The following PDE10A variants were observed in gnomAD, a reference collection of about 807,000 sequenced individuals.
The protein encoded by PDE10A is cAMP and cAMP-inhibited cGMP 3',5'-cyclic phosphodiesterase 10A.
PDE10A carries 39 observed loss-of-function variants against 97.7 expected under a neutral mutation model. That is an observed-to-expected ratio of 0.40 (90% CI 0.31 to 0.52). PDE10A has a LOEUF of 0.52. Among genes scored for constraint, PDE10A ranks in the 20% least tolerant of loss-of-function variants. The pLI is 0.56. For synonymous variants in PDE10A, 371 were observed against 376.8 expected, an observed-to-expected ratio of 0.98 and a Z score of 0.18; for missense variants, 731 against 1,047.8, an observed-to-expected ratio of 0.70 and a Z score of 4.17.
At chr6:165,696,123 T>C (rs999194777) in intron 1 of PDE10A, among the ~76,000 whole-genome samples, 1 of 152,148 alleles carries the variant, frequency 6.6e-6, no homozygotes. Context: ...GGAAGGAAGA[T>C]GGATGTCACT....
chr6:165,660,037 C>T (rs1325674122), intron 1 of PDE10A: 4 of 152,256 alleles, frequency 2.6e-5, no homozygotes, highest in Non-Finnish European at 5.9e-5. Flanking sequence ...ATAGAGCGTT[C>T]TTCAACCCCT....
chr6:165,920,981 A>C (rs567335009), intron 1 of PDE10A, among the ~76,000 whole-genome samples: 1 of 152,314 alleles, frequency 6.6e-6, no homozygotes, highest in Admixed American at 6.5e-5. Context: ...AATACTCCAA[A>C]GACTCATTTT....
In PDE10A at chr6:165,843,797, C is replaced by A. The variant is rs544817674; in HGVS notation, c.-615+143732G>T. On this transcript the variant is annotated intron_variant, in intron 1 of 19. Transcript: ENST00000366882. ...CCCATACTAGAGAGGGAAGCCTGAGCCTATCCCGGAGGGGCAGGGCAGTCA... is the reference window on the plus strand; with the variant it reads ...CCCATACTAGAGAGGGAAGCCTGAGACTATCCCGGAGGGGCAGGGCAGTCA... 2.0e-5 allele frequency among the ~76,000 whole-genome samples: 3 copies of A among 152,292 alleles called. No homozygotes were observed. In the South Asian group the frequency reaches 6.2e-4, roughly 32 times the overall value.
At chr6:165,637,648 G>T (rs1788940606) in intron 1 of PDE10A, among the ~76,000 whole-genome samples, 2 of 152,136 alleles carry the variant, frequency 1.3e-5, no homozygotes, top group African/African-American at 4.8e-5. Context: ...GTGGCAAAAG[G>T]TTCTGCGTCA....
intron 1 of PDE10A, among the ~76,000 whole-genome samples, chr6:165,771,653 A>AT (rs1491285909): frequency 9.5e-4 from 78 of 82,458 alleles, no homozygotes; most frequent in Non-Finnish European, 1.4e-3. Context: ...GTTTAACAAG[A>AT]TAAAAAAAAA....
chr6:165,506,859 G>C (rs781330217), intron 2 of PDE10A, among the ~76,000 whole-genome samples: 1 of 152,108 alleles, frequency 6.6e-6, no homozygotes, highest in Admixed American at 6.6e-5. Context: ...AACAATCAAA[G>C]ACTTATCTCT....
chr6:165,356,392 T>G (rs890424909), intron 18 of PDE10A, among the ~76,000 whole-genome samples: 1 of 152,192 alleles, frequency 6.6e-6, no homozygotes, highest in African/African-American at 2.4e-5. Context: ...AAATCTTTCA[T>G]ATAATTTTTT....
At chr6:165,485,265 G>A (rs1244542467) in intron 2 of PDE10A, among the ~76,000 whole-genome samples, 3 of 151,940 alleles carry the variant, frequency 2.0e-5, no homozygotes, top group Non-Finnish European at 2.9e-5. Flanking sequence ...AGGTCAGATC[G>A]AGACCATCCC....
At chr6:165,845,098 T>C (rs1188734578) in intron 1 of PDE10A, among the ~76,000 whole-genome samples, 1 of 152,222 alleles carries the variant, frequency 6.6e-6, no homozygotes, top group Non-Finnish European at 1.5e-5. Context: ...GCGTTCTTAT[T>C]GTTTACTTGA....
rs1161419426 is a variant in PDE10A, at chr6:165,351,573, G to A, written c.2784-8071C>T. ...GAAATATTTGCTGAACACCTACTAT[G>A]TGCTAGACACTGTCATAGTTATCCA... On this transcript the variant is annotated intron_variant, in intron 18 of 21. Transcript: ENST00000539869. Among the ~76,000 whole-genome samples, 12 of 152,284 alleles carry A rather than the reference G, an allele frequency of 7.9e-5. No homozygotes were observed. The East Asian group carries it at 2.1e-3, about 27-fold the overall frequency.
intron 1 of PDE10A, among the ~76,000 whole-genome samples, chr6:165,631,582 T>C (rs1788631588): frequency 6.6e-6 from 1 of 152,254 alleles, no homozygotes; most frequent in Admixed American, 6.5e-5. Flanking sequence ...AAAATTAGTA[T>C]GTCATTATTT....
chr6:165,539,280 A>C (rs1783279747), intron 2 of PDE10A, among the ~76,000 whole-genome samples: 1 of 152,228 alleles, frequency 6.6e-6, no homozygotes, highest in South Asian at 2.1e-4. Flanking sequence ...CTATGAAAGC[A>C]ATAAAATTAA....
chr6:165,718,054 A>T (rs1474699512), intron 1 of PDE10A, among the ~76,000 whole-genome samples: 1 of 151,746 alleles, frequency 6.6e-6, no homozygotes, highest in Admixed American at 6.6e-5. Flanking sequence ...TTACCTTCTC[A>T]CTCTGTTGAT....
intron 1 of PDE10A, among the ~76,000 whole-genome samples, chr6:165,984,343 A>T (rs73260577): frequency 0.14 from 21,051 of 152,220 alleles, 1,826 homozygotes; most frequent in African/African-American, 0.24. Flanking sequence ...AGATTTTTTT[A>T]AATCCTAATA....
intron 1 of PDE10A, among the ~76,000 whole-genome samples, chr6:165,955,201 G>C (rs1784099727): frequency 6.6e-6 from 1 of 152,148 alleles, no homozygotes; most frequent in South Asian, 2.1e-4. Context: ...ATAGCCCGAG[G>C]GTCAAGGTCG....
chr6:165,725,996 T>C (rs2128449669), intron 1 of PDE10A, among the ~76,000 whole-genome samples: 1 of 152,326 alleles, frequency 6.6e-6, no homozygotes, highest in Admixed American at 6.5e-5. Context: ...ACCCATGTTC[T>C]CCAGAGGCCT....
intron 1 of PDE10A, among the ~76,000 whole-genome samples, chr6:165,911,395 T>C (rs1782449648): frequency 6.6e-6 from 1 of 152,146 alleles, no homozygotes; most frequent in Non-Finnish European, 1.5e-5. Flanking sequence ...AGAAAACAAA[T>C]TTAAATAAAG....
chr6:165,422,301 G>A (rs1320623237), intron 10 of PDE10A, among the ~76,000 whole-genome samples: 2 of 142,420 alleles, frequency 1.4e-5, no homozygotes, highest in African/African-American at 2.8e-5. Flanking sequence ...ACACACATAC[G>A]CATACACACA....
At chr6:165,920,630 C>A (rs1782729146) in intron 1 of PDE10A, among the ~76,000 whole-genome samples, 1 of 152,126 alleles carries the variant, frequency 6.6e-6, no homozygotes, top group Non-Finnish European at 1.5e-5. Flanking sequence ...ATGAGCCATA[C>A]TTAACTCTTC....
Sources: allele counts gnomAD v4.1 joint callset (sites outside exome capture counted in the v4.1 genomes callset), GRCh38; gene constraint gnomAD v4.1.1; transcripts MANE v1.5; gene names NCBI Gene and HGNC (gene_info 2026-07-23, HGNC 2026-07-21).